The following PFKP variants were observed in gnomAD, a reference collection of about 807,000 sequenced individuals.
PFKP encodes phosphofructokinase, platelet, also known as ATP-dependent 6-phosphofructokinase, platelet type.
Under a neutral mutation model 94.3 loss-of-function variants are expected in PFKP, and 101 were observed. That is an observed-to-expected ratio of 1.07 (90% CI 0.91 to 1.26). The LOEUF is 1.26. Among genes scored for constraint, PFKP ranks in the 50% most tolerant of loss-of-function variants. The pLI is 0.00. For missense variants in PFKP, 1,145 were observed against 1,103.3 expected (o/e 1.04, Z -0.53); for synonymous variants, 573 against 432.6 (o/e 1.32, Z -4.03).
At chr10:3,126,601 C>T (rs565463705) in intron 16 of PFKP, among the ~76,000 whole-genome samples, 5 of 152,130 alleles carry the variant, frequency 3.3e-5, no homozygotes, top group East Asian at 3.9e-4. Flanking sequence ...AGCAGAGGCT[C>T]GGCTGCCGTG....
At chr10:3,086,161 C>CT (rs1291996941) in intron 2 of PFKP, among the ~76,000 whole-genome samples, 4 of 152,140 alleles carry the variant, frequency 2.6e-5, no homozygotes, top group African/African-American at 9.7e-5. Context: ...TTCATGAAGA[C>CT]TTGTAGTTCA....
intron 1 of PFKP, among the ~76,000 whole-genome samples, chr10:3,081,194 C>T (rs2131415632): frequency 6.6e-6 from 1 of 152,340 alleles, no homozygotes; most frequent in Admixed American, 6.5e-5. Flanking sequence ...TAGATACTCT[C>T]ATTCAGAATT....
chr10:3,136,489 G>GCC lies in PFKP; in HGVS notation c.2268_2269dup (p.Leu757ProfsTer3). On this transcript the variant is annotated frameshift_variant, in exon 22 of 22. Coordinates refer to ENST00000381125, the MANE Select transcript of PFKP (RefSeq NM_002627.5). LOFTEE classifies it low-confidence loss of function (END_TRUNC). The stretch of plus-strand genomic sequence containing the variant: ...AAGAACAGTGGTGGCTCAAGCTACG[G>GCC]CCCCTCATGAAAATCCTGGCCAAGT... 6.2e-7 allele frequency: 1 copy of GCC among 1,613,620 alleles called. No individual in the cohort carries two copies. The highest frequency in any genetic ancestry group is 8.5e-7 in the Non-Finnish European group (1 of 1,179,720).
chr10:3,111,683 T>C (rs1465535185), intron 10 of PFKP, among the ~76,000 whole-genome samples: 1 of 152,088 alleles, frequency 6.6e-6, no homozygotes, highest in Non-Finnish European at 1.5e-5. Flanking sequence ...AGAAAGAACT[T>C]GACCAAGATC....
chr10:3,115,026 G>A (rs74112075), intron 13 of PFKP, among the ~76,000 whole-genome samples: 11,215 of 152,266 alleles, frequency 0.074, 532 homozygotes, highest in South Asian at 0.13. Context: ...GGGTCTGGAG[G>A]TATGGAGGGC....
rs574115744 is a variant in PFKP at position 3,122,858 on chromosome 10, A to T, written c.1683+2814A>T. Among the ~76,000 whole-genome samples the T allele has an allele frequency of 1.2e-4, 19 of 152,242 alleles. No homozygotes were observed. The South Asian group carries it at 3.9e-3, about 32-fold the overall frequency. ...AGGGAGGTTTCTGGTTAGAAGTGGG[A>T]AAAGGGATGCTCCCAGCATCTGGGG... On this transcript the variant is annotated intron_variant, in intron 16 of 21. Coordinates refer to ENST00000381125, the MANE Select transcript of PFKP (RefSeq NM_002627.5).
chr10:3,100,879 A>T (rs947214011), intron 3 of PFKP: 1 of 1,144,462 alleles, frequency 8.7e-7, no homozygotes, highest in African/African-American at 1.6e-5. Context: ...AAAAAAAAAA[A>T]AAATCCCCCT....
chr10:3,101,449 C>T lies in PFKP; in HGVS notation c.349C>T (p.Arg117Cys), dbSNP rs140887616. 175 of 1,609,804 alleles carry T rather than the reference C, an allele frequency of 1.1e-4. No individual in the cohort carries two copies. In the African/African-American group the frequency reaches 1.8e-3, roughly 16 times the overall value. The stretch of plus-strand genomic sequence containing the variant: ...GAAGGCTGCTTGCAACCTGCTGCAG[C>T]GCGGCATCACCAACCTGTGTGTGAT... ...RLKAACNLLQ[R>C]GITNLCVIGG... Residue 117 changes from arginine to cysteine, a missense_variant, in exon 4 of 22, where the codon CGC becomes TGC. By Grantham distance (180) the Arg-to-Cys change is radical (BLOSUM62 -3). Around this residue, in one of 3 missense-constraint regions of PFKP, gnomAD observed 1,119 missense variants for 1,062.8 expected, o/e 1.05. Transcript: ENST00000381125.
chr10:3,115,374 GCAGCT>G (rs1836702423), intron 13 of PFKP, among the ~76,000 whole-genome samples: 1 of 64,880 alleles, frequency 1.5e-5, no homozygotes, highest in African/African-American at 4.4e-5. Context: ...TGTGTGTCCC[GCAGCT>G]GAGAACAGGA....
Position 3,075,913 on chromosome 10 carries a change from A to G in PFKP, c.113-6475A>G, listed in dbSNP as rs1832541023. On this transcript the variant is annotated intron_variant, in intron 1 of 21. Coordinates refer to ENST00000381125, the MANE Select transcript of PFKP (RefSeq NM_002627.5). ...GAGTGAGACCCTATCGCAAAAAAAA[A>G]AAAAAAAAAAAGTAGTGAACCCGGG... 2.0e-5 allele frequency among the ~76,000 whole-genome samples: 3 copies of G among 150,136 alleles called. No homozygotes were observed. In the South Asian group the frequency reaches 6.3e-4, roughly 32 times the overall value.
At chr10:3,109,765 A>C (rs529321853) in intron 10 of PFKP, among the ~76,000 whole-genome samples, 2 of 152,210 alleles carry the variant, frequency 1.3e-5, no homozygotes, top group South Asian at 4.1e-4. Context: ...CGGGATCCTC[A>C]ACAGTCGAGG....
At chr10:3,108,867 C>A in intron 9 of PFKP, 74 bp downstream of exon 9, 1 of 1,099,138 alleles carries the variant, frequency 9.1e-7, no homozygotes, top group Non-Finnish European at 1.4e-6. Context: ...CAGGCACCAG[C>A]CGGCCACAGA....
intron 8 of PFKP, chr10:3,107,888 G>A (rs781483521): frequency 2.2e-5 from 29 of 1,289,262 alleles, no homozygotes; most frequent in Admixed American, 2.1e-4. Flanking sequence ...TGCCCCTGCT[G>A]TAGACGGGGC....
rs368333400 is a variant in PFKP, at chr10:3,088,404, C to T, written c.186+5943C>T. Among the ~76,000 whole-genome samples, 10 of 152,202 alleles carry T rather than the reference C, an allele frequency of 6.6e-5. No individual in the cohort carries two copies. The South Asian group carries it at 2.1e-3, about 32-fold the overall frequency. ...CTTAATCCAGTCTATCACTGATGGG[C>T]ATTTGGGGTGGTTCCAAGTCTTTAA... On this transcript the variant is annotated intron_variant, in intron 2 of 21. Coordinates refer to ENST00000381125, the MANE Select transcript of PFKP (RefSeq NM_002627.5).
intron 9 of PFKP, 58 bp from the exon 10 acceptor site, chr10:3,109,297 T>TGACAGG (rs1835925107): frequency 6.3e-7 from 1 of 1,598,826 alleles, no homozygotes; most frequent in South Asian, 1.1e-5. Flanking sequence ...AGATAGGAGG[T>TGACAGG]GACAGGGACA....
Position 3,116,830 on chromosome 10 carries a change from A to G in PFKP, c.1426A>G (p.Ile476Val), listed in dbSNP as rs1363841020. ...GGGCTGGACCGGCCAAGGAGGCTCC[A>G]TTCTTGGGACAAAACGGTAACTTCC... ...VGGWTGQGGS[I>V]LGTKRVLPGK... is the part of the protein sequence containing the mutation. The change falls in exon 14 of 22, where the codon ATT becomes GTT. Residue 476 changes from isoleucine to valine, a missense_variant. Transcript: ENST00000381125. 6.2e-7 allele frequency: 1 copy of G among 1,611,662 alleles called. No individual in the cohort carries two copies. Among genetic ancestry groups the G allele is most frequent in the Non-Finnish European group, 8.5e-7 (1 of 1,177,670 alleles).
rs1303479991 is a variant in PFKP at position 3,108,065 on chromosome 10, C to T, written c.871-636C>T. On this transcript the variant is annotated intron_variant, in intron 8 of 21. Coordinates refer to ENST00000381125, the MANE Select transcript of PFKP (RefSeq NM_002627.5). The stretch of plus-strand genomic sequence containing the variant: ...AACAGTGATGGACACCTGGGAAAGA[C>T]ATCTGCCAATATTTATAAGTGGTCA... The T allele has an allele frequency of 9.8e-6, 12 of 1,219,678 alleles. No individual in the cohort carries two copies. The East Asian group carries it at 2.8e-4, about 29-fold the overall frequency. The allele number at this position is 1,219,678 out of a possible 1,614,324, so 75.6% of individuals were successfully genotyped here.
chr10:3,135,992 G>A lies in PFKP; in HGVS notation c.2225+154G>A, dbSNP rs200468824. Reference sequence around the variant, plus strand: ...AAAAAATACTAGGTCTTGGCTGGGCGCGGTGGCTCATGCCTATAATCCCAG... The same window carrying A: ...AAAAAATACTAGGTCTTGGCTGGGCACGGTGGCTCATGCCTATAATCCCAG... On this transcript the variant is annotated intron_variant, in intron 21 of 21. Coordinates refer to ENST00000381125, the MANE Select transcript of PFKP (RefSeq NM_002627.5). Among the ~76,000 whole-genome samples, 22 of 152,252 alleles carry A rather than the reference G, an allele frequency of 1.4e-4. No individual in the cohort carries two copies. In the East Asian group the frequency reaches 1.7e-3, roughly 12 times the overall value.
At chr10:3,110,890 G>GCA (rs1182819995) in intron 10 of PFKP, among the ~76,000 whole-genome samples, 3 of 151,948 alleles carry the variant, frequency 2.0e-5, no homozygotes, top group African/African-American at 7.3e-5. Context: ...ATGTATGTGT[G>GCA]TGCATGTTTG....
Sources: gnomAD v4.1 joint callset for allele counts (sites outside exome capture counted in the v4.1 genomes callset) on GRCh38, gnomAD v4.1.1 for gene constraint, gnomAD v4.1.1 regional missense constraint, MANE v1.5 for transcripts, NCBI Gene and HGNC (gene_info 2026-07-23, HGNC 2026-07-21) for gene names.